Variants in PSG5 observed in about 807,000 individuals in gnomAD.
PSG5 encodes the protein pregnancy-specific beta-1-glycoprotein 5.
A neutral mutation model predicts 37.7 loss-of-function variants in PSG5; 53 were observed. The observed-to-expected ratio is 1.41, with a 90% CI of 1.13 to 1.77. The LOEUF is 1.77. Ranked by LOEUF, PSG5 falls within the 40% of genes most tolerant of loss-of-function variation. The probability of loss-of-function intolerance (pLI) is 0.00; values close to 1 mark genes in which losing one functional copy is unlikely to be tolerated. For missense variants in PSG5, 547 were observed against 405.2 expected (o/e 1.35, Z -3.00); for synonymous variants, 221 against 155.4 (o/e 1.42, Z -3.14).
intron 1 of PSG5, among the ~76,000 whole-genome samples, chr19:43,186,008 G>C (rs1023997517): frequency 1.3e-5 from 2 of 149,196 alleles, no homozygotes; most frequent in Admixed American, 6.7e-5. Flanking sequence ...ACAGAGTCTC[G>C]TACTGTCACC....
intron 4 of PSG5, chr19:43,170,560 A>AC (rs1968885000): frequency 5.1e-6 from 2 of 394,180 alleles, no homozygotes; most frequent in Non-Finnish European, 1.0e-5. Context: ...CGTGCATTTC[A>AC]CATTCATCAC....
Position 43,185,517 on chromosome 19 carries a change from G to A in PSG5, c.65-370C>T, listed in dbSNP as rs144672752. On this transcript the variant is annotated intron_variant, in intron 1 of 5. Coordinates refer to ENST00000342951, the MANE Select transcript of PSG5 (RefSeq NM_002781.4). Reference sequence around the variant, plus strand: ...CTGACACGTCCTTCAGAGACCCTGGGTCTTCCCTTTCTGACCTTTCCCTGC... The same window carrying A: ...CTGACACGTCCTTCAGAGACCCTGGATCTTCCCTTTCTGACCTTTCCCTGC... Among the ~76,000 whole-genome samples, 522 of 150,402 alleles carry A rather than the reference G, an allele frequency of 3.5e-3. 23 individuals are homozygous for A. The highest frequency in any genetic ancestry group is 0.012 in the African/African-American group (497 of 40,574).
rs371563829 is a variant in PSG5 at position 43,185,898 on chromosome 19, A to G, written c.64+444T>C. ...GGTTCAATATGACTTTCCAGTTTTG[A>G]CCTCTGTCCCTCTCTGGTGTATTTT... On this transcript the variant is annotated intron_variant, in intron 1 of 5. Transcript: ENST00000342951. Among the ~76,000 whole-genome samples, 516 of 123,502 alleles carry G rather than the reference A, an allele frequency of 4.2e-3. 12 individuals carry two copies. The highest frequency in any genetic ancestry group is 0.016 in the African/African-American group (495 of 31,602). The allele number at this position is 123,502 out of a possible 152,430, so 81.0% of individuals were successfully genotyped here. A position where few individuals can be genotyped will look rare whatever the true frequency, so the allele number is the denominator to read the frequency against.
intron 4 of PSG5, among the ~76,000 whole-genome samples, chr19:43,171,924 A>G (rs375870568): frequency 6.7e-6 from 1 of 149,762 alleles, no homozygotes; most frequent in East Asian, 1.9e-4. Context: ...GTGAGCCATA[A>G]TCACACCACT....
intron 2 of PSG5, 57 bp downstream of exon 2, chr19:43,184,725 G>C (rs1969205120): frequency 6.2e-7 from 1 of 1,605,152 alleles, no homozygotes; most frequent in Non-Finnish European, 8.5e-7. Context: ...TCCTGTGTGT[G>C]TGAAGTAGAA....
rs751814918 is a variant in PSG5 at position 43,176,133 on chromosome 19, G to T, written c.446C>A (p.Pro149His). The change falls in exon 3 of 6, where the codon CCC becomes CAC. Residue 149 changes from proline (P) to histidine (H), a missense_variant. Coordinates refer to ENST00000342951, the MANE Select transcript of PSG5 (RefSeq NM_002781.4). Reference sequence around the variant, plus strand: ...TTTTGAGTTGTTGATGGTGATGTAGGGCTTGGGCAGCTTCACTGTGTGGAT... The same window carrying T: ...TTTTGAGTTGTTGATGGTGATGTAGTGCTTGGGCAGCTTCACTGTGTGGAT... ...TFNLYLKLPK[P>H]YITINNSKPR... is the part of the protein sequence containing the mutation. 8 of 1,611,202 alleles carry T rather than the reference G, an allele frequency of 5.0e-6. 2 individuals carry two copies. In the Admixed American group the frequency reaches 8.4e-5, roughly 17 times the overall value.
chr19:43,184,581 C>T (rs976283204), intron 2 of PSG5, among the ~76,000 whole-genome samples: 1 of 151,520 alleles, frequency 6.6e-6, no homozygotes, highest in Non-Finnish European at 1.5e-5. Flanking sequence ...CGAGTGTCTG[C>T]AGGGTCTGGA....
intron 2 of PSG5, chr19:43,180,694 G>A (rs1599752790): frequency 6.6e-6 from 1 of 151,596 alleles, no homozygotes; most frequent in South Asian, 2.1e-4. Flanking sequence ...GCTGGTAGTA[G>A]TATTTCTCTT....
chr19:43,186,070 G>T (rs189863457), intron 1 of PSG5, among the ~76,000 whole-genome samples: 1 of 150,726 alleles, frequency 6.6e-6, no homozygotes, highest in Non-Finnish European at 1.5e-5. Context: ...TCTGCCTCCC[G>T]GGTTCATGTG....
chr19:43,179,701 T>C (rs1469461609), intron 2 of PSG5, among the ~76,000 whole-genome samples: 2 of 151,710 alleles, frequency 1.3e-5, no homozygotes, highest in Non-Finnish European at 2.9e-5. Flanking sequence ...GAGTCAAGCC[T>C]GGAGGTCAGT....
intron 4 of PSG5, chr19:43,170,399 G>T (rs1455181473): frequency 2.1e-6 from 1 of 472,892 alleles, no homozygotes; most frequent in East Asian, 6.1e-5. Context: ...ACATAAGAAA[G>T]GCTGATTGCT....
chr19:43,181,349 T>C (rs1243757834), intron 2 of PSG5, among the ~76,000 whole-genome samples: 3 of 151,800 alleles, frequency 2.0e-5, no homozygotes, highest in Non-Finnish European at 4.4e-5. Context: ...CTTATTGAAC[T>C]TTCCTTTTTC....
intron 2 of PSG5, among the ~76,000 whole-genome samples, chr19:43,183,863 T>G (rs1302439954): frequency 1.3e-5 from 2 of 151,550 alleles, no homozygotes; most frequent in African/African-American, 4.9e-5. Flanking sequence ...TGTGCCTTCC[T>G]GTGCCTCAGT....
chr19:43,172,544 A>G (rs1328371376), intron 4 of PSG5, among the ~76,000 whole-genome samples: 2 of 151,762 alleles, frequency 1.3e-5, no homozygotes, highest in African/African-American at 2.4e-5. Flanking sequence ...TGCACAATAC[A>G]AAATCAACAT....
At chr19:43,185,432 C>A (rs1301452876) in intron 1 of PSG5, among the ~76,000 whole-genome samples, 1 of 46,306 alleles carries the variant, frequency 2.2e-5, no homozygotes, top group Non-Finnish European at 3.7e-5. Context: ...ACACGGCACC[C>A]CCCCCCCCCC....
At chr19:43,173,430 A>G (rs1367420473) in intron 4 of PSG5, among the ~76,000 whole-genome samples, 1 of 151,758 alleles carries the variant, frequency 6.6e-6, no homozygotes, top group Non-Finnish European at 1.5e-5. Context: ...CTATGAAATG[A>G]TAAAAATATT....
At chr19:43,182,812 C>A (rs936771631) in intron 2 of PSG5, among the ~76,000 whole-genome samples, 3 of 145,260 alleles carry the variant, frequency 2.1e-5, no homozygotes, top group Non-Finnish European at 4.5e-5. Context: ...CACAGGTCAG[C>A]CTCACAAAGG....
chr19:43,186,231 C>A, intron 1 of PSG5, 111 bp downstream of exon 1: 2 of 1,552,896 alleles, frequency 1.3e-6, no homozygotes, highest in East Asian at 2.3e-5. Flanking sequence ...CCACCTCATC[C>A]TCCCAAAGTG....
At chr19:43,183,718 C>T (rs1459403009) in intron 2 of PSG5, among the ~76,000 whole-genome samples, 2 of 151,274 alleles carry the variant, frequency 1.3e-5, no homozygotes, top group Non-Finnish European at 3.0e-5. Flanking sequence ...AGGATTTGAG[C>T]CAATAAATGA....
Sources: allele counts gnomAD v4.1 joint callset (sites outside exome capture counted in the v4.1 genomes callset), GRCh38; gene constraint gnomAD v4.1.1; transcripts MANE v1.5; gene names NCBI Gene and HGNC (gene_info 2026-07-23, HGNC 2026-07-21).